The following MINDY3 variants were observed in gnomAD, a reference collection of about 807,000 sequenced individuals.
MINDY3 encodes ubiquitin carboxyl-terminal hydrolase MINDY-3.
A neutral mutation model predicts 69.2 loss-of-function variants in MINDY3; 38 were observed. That is an observed-to-expected ratio of 0.55 (90% CI 0.42 to 0.72). The LOEUF is 0.72. Among genes scored for constraint, MINDY3 ranks in the 30% least tolerant of loss-of-function variants. The pLI, the probability that MINDY3 is intolerant of heterozygous loss-of-function variation, is 0.00. For synonymous variants in MINDY3, 192 were observed against 180.1 expected (o/e 1.07, Z -0.53); for missense variants, 522 against 519.0 (o/e 1.01, Z -0.06).
At chr10:15,791,485 T>C (rs942495033) in intron 11 of MINDY3, among the ~76,000 whole-genome samples, 25 of 151,910 alleles carry the variant, frequency 1.6e-4, no homozygotes, top group African/African-American at 5.8e-4. Flanking sequence ...AGAACTTGCA[T>C]ACACTGGTAA....
At chr10:15,788,593 C>T (rs1837159569) in intron 12 of MINDY3, among the ~76,000 whole-genome samples, 1 of 151,992 alleles carries the variant, frequency 6.6e-6, no homozygotes, top group Non-Finnish European at 1.5e-5. Context: ...AACTTTTATT[C>T]CCATATTTGA....
At chr10:15,791,899 G>C (rs1244054393) in intron 11 of MINDY3, among the ~76,000 whole-genome samples, 1 of 152,072 alleles carries the variant, frequency 6.6e-6, no homozygotes, top group East Asian at 1.9e-4. Context: ...AGCCTAGCAG[G>C]TCTCAATTTT....
chr10:15,851,350 C>G (rs906760862), intron 1 of MINDY3, among the ~76,000 whole-genome samples: 1 of 152,112 alleles, frequency 6.6e-6, no homozygotes, highest in Non-Finnish European at 1.5e-5. Flanking sequence ...GTCTAAGTCC[C>G]TTAACATGGT....
intron 1 of MINDY3, among the ~76,000 whole-genome samples, chr10:15,855,303 T>A (rs1012546368): frequency 6.6e-6 from 1 of 152,126 alleles, no homozygotes; most frequent in Non-Finnish European, 1.5e-5. Flanking sequence ...AAGTATTCTA[T>A]CCTAAAACAG....
At chr10:15,855,787 C>T (rs1225142912) in intron 1 of MINDY3, among the ~76,000 whole-genome samples, 2 of 152,050 alleles carry the variant, frequency 1.3e-5, no homozygotes, top group Non-Finnish European at 2.9e-5. Context: ...TTGGACTTCA[C>T]ATCTAAAAAA....
chr10:15,782,056 T>A, intron 14 of MINDY3, 99 bp downstream of exon 14: 1 of 858,646 alleles, frequency 1.2e-6, no homozygotes, highest in South Asian at 1.5e-5. Context: ...CCTGGAATAA[T>A]CTTAGGTAGC....
At chr10:15,785,161 G>C (rs1219961903) in intron 13 of MINDY3, among the ~76,000 whole-genome samples, 1 of 152,136 alleles carries the variant, frequency 6.6e-6, no homozygotes, top group Non-Finnish European at 1.5e-5. Flanking sequence ...CATGCTCGTG[G>C]GAGGCAAACA....
chr10:15,837,582 C>A, intron 5 of MINDY3: 1 of 1,375,030 alleles, frequency 7.3e-7, no homozygotes, highest in Non-Finnish European at 9.6e-7. Context: ...AACTGTCTGG[C>A]ATCAGTAAAT....
intron 3 of MINDY3, among the ~76,000 whole-genome samples, chr10:15,842,904 C>CAAAAAAAAAAAAAAAAAAAA (rs370464190): frequency 1.5e-5 from 1 of 68,236 alleles, no homozygotes; most frequent in Non-Finnish European, 2.9e-5. Context: ...AATAAGACTA[C>CAAAAAAAAAAAAAAAAAAAA]AAAAAAAAAA....
At chr10:15,780,075 T>C (rs915366484) in intron 14 of MINDY3, among the ~76,000 whole-genome samples, 1 of 152,218 alleles carries the variant, frequency 6.6e-6, no homozygotes, top group African/African-American at 2.4e-5. Flanking sequence ...TATAAAATTA[T>C]TTTTACACAT....
chr10:15,838,171 C>T, intron 5 of MINDY3, 57 bp downstream of exon 5: 1 of 1,549,952 alleles, frequency 6.5e-7, no homozygotes, highest in Non-Finnish European at 8.7e-7. Context: ...TATGAACAGA[C>T]TTAAAGTGGC....
rs577931805 is a variant in MINDY3 at position 15,827,330 on chromosome 10, T to A, written c.731-5604A>T. Among the ~76,000 whole-genome samples the A allele has an allele frequency of 2.0e-5, 3 of 151,956 alleles. No individual in the cohort carries two copies. In the East Asian group the frequency reaches 5.8e-4, roughly 29 times the overall value. ...GCCGAGGTTGACGGATCACCTGAGGTTGGGAGTTCGAGACCAGCCTGGCTA... is the reference window on the plus strand; with the variant it reads ...GCCGAGGTTGACGGATCACCTGAGGATGGGAGTTCGAGACCAGCCTGGCTA... On this transcript the variant is annotated intron_variant, in intron 8 of 14. Coordinates refer to ENST00000277632, the MANE Select transcript of MINDY3 (RefSeq NM_024948.4).
In MINDY3 at chr10:15,841,446, C is replaced by A; in HGVS notation, c.389G>T (p.Ser130Ile). Residue 130 changes from serine to isoleucine, a missense_variant, in exon 4 of 15, where the codon AGT becomes ATT. Transcript: ENST00000277632. ...CTTACAAGAATGTTCCACTTGGCAA[C>A]TAGACTCTGCAGGACTCCCAGAAAT... ...ASISGSPAES[S>I]CQVEHSSALA... The A allele has an allele frequency of 6.2e-7, 1 of 1,610,078 alleles. No homozygotes were observed. Among genetic ancestry groups the A allele is most frequent in the Non-Finnish European group, 8.5e-7 (1 of 1,177,932 alleles).
At chr10:15,783,402 G>A (rs1008295225) in intron 13 of MINDY3, among the ~76,000 whole-genome samples, 2 of 152,112 alleles carry the variant, frequency 1.3e-5, no homozygotes, top group Non-Finnish European at 1.5e-5. Flanking sequence ...TTTTGGACAA[G>A]CATGACTCAT....
chr10:15,785,551 G>A (rs546153837), intron 13 of MINDY3, among the ~76,000 whole-genome samples: 2 of 152,086 alleles, frequency 1.3e-5, no homozygotes, highest in South Asian at 4.1e-4. Context: ...CAGATATCCA[G>A]TCAGAATGTG....
chr10:15,811,306 C>T (rs1195030326), intron 10 of MINDY3, among the ~76,000 whole-genome samples: 3 of 152,052 alleles, frequency 2.0e-5, no homozygotes, highest in African/African-American at 7.2e-5. Flanking sequence ...TACTATACTA[C>T]TTTCATCATA....
At chr10:15,793,019 G>A (rs1661229427) in intron 11 of MINDY3, among the ~76,000 whole-genome samples, 1 of 152,136 alleles carries the variant, frequency 6.6e-6, no homozygotes, top group Non-Finnish European at 1.5e-5. Context: ...CACAGCTAGT[G>A]AGGCGTAACG....
At position 15,786,562 on chromosome 10, in the gene MINDY3, T is replaced by A; in HGVS notation, c.1115A>T (p.Gln372Leu). The change falls in exon 13 of 15, where the codon CAG becomes CTG. Residue 372 changes from glutamine (Q) to leucine (L), a missense_variant and splice_region_variant. By Grantham distance (113) the Gln-to-Leu change is moderately radical (BLOSUM62 -2). Transcript: ENST00000277632. ...GPFLQEFFPD[Q>L]GSSGPESFTV... ...AATATATTTCCTCAACTATGTTACCTGATCAGGAAAAAATTCTTGAAGAAA... is the reference window on the plus strand; with the variant it reads ...AATATATTTCCTCAACTATGTTACCAGATCAGGAAAAAATTCTTGAAGAAA... 6.5e-7 allele frequency: 1 copy of A among 1,528,630 alleles called. No individual in the cohort carries two copies. Among genetic ancestry groups the A allele is most frequent in the Non-Finnish European group, 9.0e-7 (1 of 1,106,438 alleles). The allele number at this position is 1,528,630 out of a possible 1,614,324, so 94.7% of individuals were successfully genotyped here. A position where few individuals can be genotyped will look rare whatever the true frequency, so the allele number is the denominator to read the frequency against.
intron 1 of MINDY3, among the ~76,000 whole-genome samples, chr10:15,856,801 G>C (rs1194185468): frequency 6.6e-6 from 1 of 152,156 alleles, no homozygotes; most frequent in Non-Finnish European, 1.5e-5. Context: ...ACTTCTGTTA[G>C]GTCTAGCTGA....
Sources: allele counts gnomAD v4.1 joint callset (sites outside exome capture counted in the v4.1 genomes callset), GRCh38; gene constraint gnomAD v4.1.1; transcripts MANE v1.5; gene names NCBI Gene and HGNC (gene_info 2026-07-23, HGNC 2026-07-21).